The following AGBL4 variants were observed in gnomAD, a reference collection of about 807,000 sequenced individuals.
The protein encoded by AGBL4 is AGBL carboxypeptidase 4, also known as cytosolic carboxypeptidase 6.
Under a neutral mutation model 66.4 loss-of-function variants are expected in AGBL4, and 58 were observed. The ratio of observed to expected loss-of-function variants is 0.87; its 90% CI spans 0.71 to 1.09. The LOEUF is 1.09. Among genes scored for constraint, AGBL4 ranks in the 50% least tolerant of loss-of-function variants. AGBL4 has a pLI of 0.00. For missense variants in AGBL4, 579 were observed against 631.0 expected, an observed-to-expected ratio of 0.92 and a Z score of 0.88; for synonymous variants, 234 against 222.9, an observed-to-expected ratio of 1.05 and a Z score of -0.44.
chr1:49,888,441 T>A (rs1648290478), intron 1 of AGBL4, among the ~76,000 whole-genome samples: 3 of 152,096 alleles, frequency 2.0e-5, no homozygotes, highest in Admixed American at 1.3e-4. Flanking sequence ...ACCTATTGAG[T>A]CATATGAGAT....
intron 6 of AGBL4, among the ~76,000 whole-genome samples, chr1:48,735,096 A>G (rs1364575327): frequency 6.6e-6 from 1 of 152,268 alleles, no homozygotes; most frequent in African/African-American, 2.4e-5. Context: ...TGCTATGAGG[A>G]TAATGAGTTA....
intron 5 of AGBL4, among the ~76,000 whole-genome samples, chr1:48,879,196 TAA>T (rs112037562): frequency 9.0e-5 from 12 of 133,194 alleles, no homozygotes; most frequent in African/African-American, 1.4e-4. Context: ...GTGTTCAGTA[TAA>T]AAAAAAAAAA....
intron 4 of AGBL4, among the ~76,000 whole-genome samples, chr1:49,186,179 C>T (rs964046220): frequency 6.6e-6 from 1 of 152,132 alleles, no homozygotes; most frequent in South Asian, 2.1e-4. Flanking sequence ...AACACCCTGC[C>T]TCCCCTATGC....
chr1:49,158,558 A>G (rs1646479241), intron 4 of AGBL4, among the ~76,000 whole-genome samples: 1 of 152,108 alleles, frequency 6.6e-6, no homozygotes, highest in South Asian at 2.1e-4. Context: ...TGTGGGGTGG[A>G]GAGCTCTGTA....
chr1:49,187,520 A>C (rs1647036768), intron 4 of AGBL4: 1 of 152,208 alleles, frequency 6.6e-6, no homozygotes, highest in Non-Finnish European at 1.5e-5. Context: ...TATGAGAGTC[A>C]AATGTTCAAG....
chr1:50,004,459 A>C (rs549206370), intron 1 of AGBL4, among the ~76,000 whole-genome samples: 1 of 152,156 alleles, frequency 6.6e-6, no homozygotes, highest in African/African-American at 2.4e-5. Context: ...ATGCTTGTGC[A>C]TCCCTCCCCC....
chr1:49,286,510 A>G (rs1166595725), intron 3 of AGBL4, among the ~76,000 whole-genome samples: 1 of 152,206 alleles, frequency 6.6e-6, no homozygotes, highest in Non-Finnish European at 1.5e-5. Flanking sequence ...CAACTTCAGC[A>G]AAGTCTCAGG....
chr1:49,021,223 T>C (rs1035288254), intron 5 of AGBL4, among the ~76,000 whole-genome samples: 3 of 152,216 alleles, frequency 2.0e-5, no homozygotes, highest in Non-Finnish European at 4.4e-5. Context: ...ACCAAGTTAG[T>C]GAACCCAAGC....
chr1:48,556,766 T>C (rs1256640075), intron 11 of AGBL4, among the ~76,000 whole-genome samples: 2 of 152,184 alleles, frequency 1.3e-5, no homozygotes, highest in Non-Finnish European at 2.9e-5. Flanking sequence ...TAATTGTTTA[T>C]AAATACCTAT....
chr1:49,058,995 G>T (rs1270466013), intron 4 of AGBL4, among the ~76,000 whole-genome samples: 2 of 152,222 alleles, frequency 1.3e-5, no homozygotes, highest in African/African-American at 4.8e-5. Context: ...GCAGCCTAAT[G>T]ATGCAATAAA....
chr1:48,828,006 ACACACAC>A (rs1646466468), intron 6 of AGBL4, among the ~76,000 whole-genome samples: 1 of 140,470 alleles, frequency 7.1e-6, no homozygotes, highest in South Asian at 2.3e-4. Flanking sequence ...ACACACACAC[ACACACAC>A]ACACACACAC....
At chr1:48,984,606 TA>T (rs1196118809) in intron 5 of AGBL4, among the ~76,000 whole-genome samples, 3 of 149,654 alleles carry the variant, frequency 2.0e-5, no homozygotes, top group Non-Finnish European at 3.0e-5. Flanking sequence ...AGTAAAAAAT[TA>T]AAAAAAACCC....
intron 3 of AGBL4, among the ~76,000 whole-genome samples, chr1:49,352,794 C>G (rs1422529764): frequency 6.6e-6 from 1 of 152,190 alleles, no homozygotes; most frequent in Non-Finnish European, 1.5e-5. Context: ...ATCCTCATAA[C>G]TTATCAATAG....
intron 6 of AGBL4, among the ~76,000 whole-genome samples, chr1:48,843,710 C>A (rs1351013128): frequency 1.3e-5 from 2 of 151,804 alleles, no homozygotes; most frequent in Non-Finnish European, 2.9e-5. Flanking sequence ...ACTTTCTAGT[C>A]AGAAAGGCCC....
At chr1:49,235,424 G>A (rs1650649202) in intron 4 of AGBL4, among the ~76,000 whole-genome samples, 1 of 152,172 alleles carries the variant, frequency 6.6e-6, no homozygotes, top group African/African-American at 2.4e-5. Flanking sequence ...CCTGCATCAA[G>A]TTGTCACATT....
intron 3 of AGBL4, among the ~76,000 whole-genome samples, chr1:49,394,148 G>T (rs913526147): frequency 6.6e-6 from 1 of 151,806 alleles, no homozygotes; most frequent in African/African-American, 2.4e-5. Flanking sequence ...TCTGAGAATT[G>T]CAGCTGAAAT....
At chr1:49,010,918 A>G (rs2149005764) in intron 5 of AGBL4, among the ~76,000 whole-genome samples, 1 of 152,318 alleles carries the variant, frequency 6.6e-6, no homozygotes, top group South Asian at 2.1e-4. Context: ...ACCTAAAACC[A>G]TAAAAACTCT....
chr1:49,288,156 T>C (rs1163847504), intron 3 of AGBL4, among the ~76,000 whole-genome samples: 3 of 137,474 alleles, frequency 2.2e-5, no homozygotes, highest in Admixed American at 7.7e-5. Context: ...TAGGTGGGAA[T>C]TGAACAATGA....
intron 4 of AGBL4, among the ~76,000 whole-genome samples, chr1:49,128,532 G>A (rs1374786255): frequency 6.6e-6 from 1 of 151,952 alleles, no homozygotes; most frequent in Non-Finnish European, 1.5e-5. Flanking sequence ...ACAGAGTCGA[G>A]CTCAGAAATA....
Sources: gnomAD v4.1 joint callset for allele counts (sites outside exome capture counted in the v4.1 genomes callset) on GRCh38, gnomAD v4.1.1 for gene constraint, MANE v1.5 for transcripts, NCBI Gene and HGNC (gene_info 2026-07-23, HGNC 2026-07-21) for gene names.